Variants in RASSF5 observed in about 807,000 individuals in gnomAD.
RASSF5 encodes ras association domain-containing protein 5.
A neutral mutation model predicts 40.5 loss-of-function variants in RASSF5; 25 were observed. The ratio of observed to expected loss-of-function variants is 0.62; its 90% CI spans 0.45 to 0.86. The LOEUF is 0.86. RASSF5 is among the 40% of genes least tolerant of loss of function. RASSF5 has a pLI of 0.00. For synonymous variants in RASSF5, 246 were observed against 252.4 expected, an observed-to-expected ratio of 0.97 and a Z score of 0.24; for missense variants, 521 against 572.8, an observed-to-expected ratio of 0.91 and a Z score of 0.92.
At chr1:206,569,923 AG>A (rs1264597790) in intron 2 of RASSF5, among the ~76,000 whole-genome samples, 1 of 152,130 alleles carries the variant, frequency 6.6e-6, no homozygotes, top group Non-Finnish European at 1.5e-5. Context: ...CCAGTTGCTT[AG>A]ATGTGGCATT....
intron 1 of RASSF5, chr1:206,529,099 G>A (rs1428467476): frequency 9.2e-6 from 12 of 1,297,776 alleles, no homozygotes; most frequent in Non-Finnish European, 1.3e-5. Context: ...AGGTTGCAAA[G>A]GCAGGGAGCC....
At chr1:206,546,930 C>T (rs1667708681) in intron 2 of RASSF5, among the ~76,000 whole-genome samples, 1 of 152,144 alleles carries the variant, frequency 6.6e-6, no homozygotes, top group Non-Finnish European at 1.5e-5. Flanking sequence ...ACATCTTTAG[C>T]TCATCACAGT....
At position 206,560,509 on chromosome 1, in the gene RASSF5, C is replaced by T. The variant is rs1236395757; in HGVS notation, c.579+22216C>T. Among the ~76,000 whole-genome samples the T allele has an allele frequency of 3.9e-5, 6 of 152,202 alleles. No individual in the cohort carries two copies. Among genetic ancestry groups the T allele is most frequent in the Admixed American group, 6.5e-5 (1 of 15,282 alleles). On this transcript the variant is annotated intron_variant, in intron 2 of 5. Transcript: ENST00000579436. This position sits in a 1 kb window ranked among gnomAD's most constrained non-coding sequence, Gnocchi z 5.1. ...AATGGCAGTTTCCTGGGGCCACGTG[C>T]CTCCTTTGAGAGGGGCCGGGGACTT... is the stretch of plus-strand genomic sequence containing the variant.
At chr1:206,538,873 T>C (rs1245950451) in intron 2 of RASSF5, among the ~76,000 whole-genome samples, 3 of 152,232 alleles carry the variant, frequency 2.0e-5, no homozygotes, top group African/African-American at 7.2e-5. Context: ...CAAGCATTTG[T>C]TGAGTATCTA....
At chr1:206,556,693 T>C (rs1667996543) in intron 2 of RASSF5, among the ~76,000 whole-genome samples, 1 of 152,198 alleles carries the variant, frequency 6.6e-6, no homozygotes, top group Non-Finnish European at 1.5e-5. Flanking sequence ...TTTGCATGTG[T>C]TTGTGGTGAC....
chr1:206,561,863 G>A (rs1274546183), intron 2 of RASSF5, among the ~76,000 whole-genome samples: 4 of 149,764 alleles, frequency 2.7e-5, no homozygotes, highest in Admixed American at 6.6e-5. Context: ...AGTAGAGACA[G>A]GGTTTCACAA....
At chr1:206,571,687 A>G (rs1346897969) in intron 2 of RASSF5, among the ~76,000 whole-genome samples, 2 of 152,244 alleles carry the variant, frequency 1.3e-5, no homozygotes, top group Non-Finnish European at 2.9e-5. Flanking sequence ...AGACACTGTC[A>G]GTTCCAGGGG....
intron 2 of RASSF5, among the ~76,000 whole-genome samples, chr1:206,558,885 G>C (rs1411331944): frequency 6.6e-6 from 1 of 152,208 alleles, no homozygotes; most frequent in African/African-American, 2.4e-5. Context: ...TTCCCTGGCT[G>C]TAGGTGGGGC....
intron 3 of RASSF5, chr1:206,583,730 C>T (rs1553406879): frequency 3.7e-6 from 1 of 271,164 alleles, no homozygotes; most frequent in African/African-American, 2.2e-5. Context: ...TAGTTGCTCC[C>T]CTTCCTACCC....
chr1:206,523,776 TTA>T (rs1316210031), intron 1 of RASSF5, among the ~76,000 whole-genome samples: 1 of 101,706 alleles, frequency 9.8e-6, no homozygotes, highest in East Asian at 2.6e-4. Context: ...ATTTTATATA[TTA>T]TATATAATAT....
At position 206,507,657 on chromosome 1, in the gene RASSF5, C is replaced by G; in HGVS notation, c.55C>G (p.Pro19Ala). 6.5e-7 allele frequency: 1 copy of G among 1,528,076 alleles called. No individual in the cohort carries two copies. Among genetic ancestry groups the G allele is most frequent in the Non-Finnish European group, 8.7e-7 (1 of 1,144,024 alleles). 94.7% of individuals were successfully genotyped at this position (1,528,076 alleles called of 1,614,324 possible). A position where few individuals can be genotyped will look rare whatever the true frequency, so the allele number is the denominator to read the frequency against. ...GQRPYPLLLD[P>A]EPPRYLQSLS... ...GCGCCCGTACCCGCTACTATTGGAC[C>G]CCGAGCCGCCGCGCTATCTACAGAG... is the stretch of plus-strand genomic sequence containing the variant. The change falls in exon 1 of 6, where the codon CCC becomes GCC. Residue 19 changes from proline (P) to alanine (A), a missense_variant. Physicochemically the swap from Pro to Ala is conservative, Grantham distance 27. Coordinates refer to ENST00000579436, the MANE Select transcript of RASSF5 (RefSeq NM_182663.4).
chr1:206,575,931 C>T (rs1187662491), intron 2 of RASSF5, among the ~76,000 whole-genome samples: 1 of 152,188 alleles, frequency 6.6e-6, no homozygotes, highest in Non-Finnish European at 1.5e-5. Flanking sequence ...GTGAGGTGCT[C>T]CTGGACCTAG....
Position 206,585,081 on chromosome 1 carries a change from G to A in RASSF5, c.989-99G>A, listed in dbSNP as rs537393904. Reference sequence around the variant, plus strand: ...AAAAGGCCCGTGTCTACTTCCAGTTGTACGTACCCCACCTCTGCATTTCCA... The same window carrying A: ...AAAAGGCCCGTGTCTACTTCCAGTTATACGTACCCCACCTCTGCATTTCCA... On this transcript the variant is annotated intron_variant, in intron 4 of 5. Transcript: ENST00000579436. The A allele has an allele frequency of 6.1e-6, 5 of 819,774 alleles. No homozygotes were observed. In the East Asian group the frequency reaches 1.2e-4, roughly 20 times the overall value. The allele number at this position is 819,774 out of a possible 1,614,324, so 50.8% of individuals were successfully genotyped here.
intron 1 of RASSF5, among the ~76,000 whole-genome samples, chr1:206,536,946 C>A (rs1371129801): frequency 6.6e-6 from 1 of 152,190 alleles, no homozygotes; most frequent in Admixed American, 6.5e-5. Flanking sequence ...AGGACCACAC[C>A]TCAGATCCGA....
chr1:206,511,279 G>A (rs945793303), intron 1 of RASSF5, among the ~76,000 whole-genome samples: 28 of 152,296 alleles, frequency 1.8e-4, no homozygotes, highest in African/African-American at 6.5e-4. Flanking sequence ...TAGCATTCTA[G>A]GAGGGAATGG....
At chr1:206,547,681 C>T (rs1280127882) in intron 2 of RASSF5, among the ~76,000 whole-genome samples, 1 of 152,058 alleles carries the variant, frequency 6.6e-6, no homozygotes, top group Non-Finnish European at 1.5e-5. Context: ...CCAGCCCCAC[C>T]CCAGTCCATG....
chr1:206,507,682 G>C lies in RASSF5; in HGVS notation c.80G>C (p.Ser27Thr), dbSNP rs1553393961. ...CCCGAGCCGCCGCGCTATCTACAGA[G>C]CCTGAGCGGCCCCGAGCTACCGCCG... ...LDPEPPRYLQ[S>T]LSGPELPPPP... The change falls in exon 1 of 6, where the codon AGC (serine) becomes ACC (threonine). Residue 27 changes from serine to threonine, a missense_variant. Transcript: ENST00000579436. 1 of 1,510,926 alleles carries C rather than the reference G, an allele frequency of 6.6e-7. No homozygotes were observed. The highest frequency in any genetic ancestry group is 8.8e-7 in the Non-Finnish European group (1 of 1,136,076). The allele number at this position is 1,510,926 out of a possible 1,614,324, so 93.6% of individuals were successfully genotyped here.
chr1:206,573,357 G>T (rs1668519598), intron 2 of RASSF5, among the ~76,000 whole-genome samples: 1 of 152,198 alleles, frequency 6.6e-6, no homozygotes, highest in Non-Finnish European at 1.5e-5. Context: ...ACCATGTAGT[G>T]AGTAATAGGA....
At position 206,568,325 on chromosome 1, in the gene RASSF5, G is replaced by A. The variant is rs535830582; in HGVS notation, c.580-14944G>A. On this transcript the variant is annotated intron_variant, in intron 2 of 5. Transcript: ENST00000579436. ...GCCCAGGGTGGGGTTAACAGGGCAC[G>A]CAGCATGTGAGGAGAGGACTCGTGT... Among the ~76,000 whole-genome samples, 17 of 152,326 alleles carry A rather than the reference G, an allele frequency of 1.1e-4. No homozygotes were observed. The South Asian group carries it at 1.2e-3, about 11-fold the overall frequency.
Sources: allele counts gnomAD v4.1 joint callset (sites outside exome capture counted in the v4.1 genomes callset), GRCh38; gene constraint gnomAD v4.1.1; non-coding constraint Gnocchi (gnomAD v3.1); transcripts MANE v1.5; gene names NCBI Gene and HGNC (gene_info 2026-07-23, HGNC 2026-07-21).